The following TRAF3IP1 variants were observed in gnomAD, a reference collection of about 807,000 sequenced individuals.
TRAF3IP1 encodes TRAF3-interacting protein 1.
Under a neutral mutation model 89.9 loss-of-function variants are expected in TRAF3IP1, and 53 were observed. The observed-to-expected ratio is 0.59, with a 90% confidence interval of 0.47 to 0.74. The LOEUF is 0.74. Ranked by LOEUF, TRAF3IP1 falls within the 30% of genes least tolerant of loss-of-function variation. The pLI, the probability that TRAF3IP1 is intolerant of heterozygous loss-of-function variation, is 0.00. For synonymous variants in TRAF3IP1, 311 were observed against 322.1 expected (o/e 0.97, Z 0.37); for missense variants, 806 against 866.1 (o/e 0.93, Z 0.87).
intron 8 of TRAF3IP1, among the ~76,000 whole-genome samples, chr2:238,341,475 C>G (rs1379372479): frequency 1.3e-5 from 2 of 151,764 alleles, no homozygotes; most frequent in Admixed American, 1.3e-4. Flanking sequence ...TTATTGCTTC[C>G]TGATAGCATC....
intron 15 of TRAF3IP1, among the ~76,000 whole-genome samples, chr2:238,361,399 T>G (rs1234492009): frequency 3.9e-5 from 6 of 152,282 alleles, no homozygotes; most frequent in African/African-American, 1.4e-4. Context: ...TTTCTTTTTG[T>G]TATGGCCAAG....
intron 8 of TRAF3IP1, among the ~76,000 whole-genome samples, chr2:238,340,422 C>T (rs1020561603): frequency 1.3e-5 from 2 of 152,174 alleles, no homozygotes; most frequent in Non-Finnish European, 2.9e-5. Context: ...CTCGTGAGCC[C>T]TGTGCCCATA....
At chr2:238,358,667 A>G (rs1371802016) in intron 15 of TRAF3IP1, among the ~76,000 whole-genome samples, 1 of 152,164 alleles carries the variant, frequency 6.6e-6, no homozygotes, top group African/African-American at 2.4e-5. Flanking sequence ...TTGAGTTTCT[A>G]ATGTCACCCT....
chr2:238,377,825 C>T (rs989149337), intron 15 of TRAF3IP1, among the ~76,000 whole-genome samples: 2 of 152,064 alleles, frequency 1.3e-5, no homozygotes, highest in Admixed American at 1.3e-4. Context: ...CTTGGTGTTT[C>T]TTTGTGGGAA....
At chr2:238,340,812 C>CATGT (rs145202993) in intron 8 of TRAF3IP1, among the ~76,000 whole-genome samples, 12 of 149,412 alleles carry the variant, frequency 8.0e-5, no homozygotes, top group African/African-American at 2.5e-4. Flanking sequence ...TACAGTTATG[C>CATGT]GTGTGTGTGT....
In TRAF3IP1 at chr2:238,353,199, G is replaced by A; in HGVS notation, c.1602G>A (p.Glu534=). 3 of 1,614,194 alleles carry A rather than the reference G, an allele frequency of 1.9e-6. No homozygotes were observed. Among genetic ancestry groups the A allele is most frequent in the Non-Finnish European group, 2.5e-6 (3 of 1,180,032 alleles). Residue 534 remains glutamate, a synonymous_variant, in exon 14 of 17, where the codon GAG becomes GAA. Coordinates refer to ENST00000373327, the MANE Select transcript of TRAF3IP1 (RefSeq NM_015650.4). ...EMVTAVELEE[E]EKHGGLVKKI... is the part of the protein sequence containing the mutation. ...TAACAGCAGTGGAACTAGAAGAAGA[G>A]GAGAAGCATGGTGAGTCCTGGGCAC...
Position 238,332,975 on chromosome 2 carries a change from C to T in TRAF3IP1, c.987+80C>T, listed in dbSNP as rs1698203892. ...AGTGAATGCTGTGCGCTCCCCGGGTCCACTGAGGCATGGAAGGAGCACATG... is the reference window on the plus strand; with the variant it reads ...AGTGAATGCTGTGCGCTCCCCGGGTTCACTGAGGCATGGAAGGAGCACATG... On this transcript the variant is annotated intron_variant, in intron 6 of 16. Transcript: ENST00000373327. 6 of 1,034,364 alleles carry T rather than the reference C, an allele frequency of 5.8e-6. No homozygotes were observed. In the South Asian group the frequency reaches 6.7e-5, roughly 12 times the overall value. 64.1% of individuals were successfully genotyped at this position (1,034,364 alleles called of 1,614,324 possible).
chr2:238,364,406 G>GT (rs11384305), intron 15 of TRAF3IP1, among the ~76,000 whole-genome samples: 136,836 of 150,116 alleles, frequency 0.91, 62,490 homozygotes, highest in East Asian at 1. Flanking sequence ...TCCTGCCAGC[G>GT]TTTTTTTTTC....
rs1005873296 is a variant in TRAF3IP1, at chr2:238,333,977, A to C, written c.1005A>C (p.Arg335Ser). Residue 335 changes from arginine to serine, a missense_variant, in exon 7 of 17, where the codon AGA (arginine) becomes AGC (serine). By Grantham distance (110) the Arg-to-Ser change is moderately radical. Transcript: ENST00000373327. ...KAETETEIST[R>S]ASKSLTTKTS... The stretch of plus-strand genomic sequence containing the variant: ...TCTTTAAGACTGAGATTTCCACTAG[A>C]GCTTCCAAGTCATTGACAACAAAAA... 6.2e-7 allele frequency: 1 copy of C among 1,609,552 alleles called. No homozygotes were observed. The highest frequency in any genetic ancestry group is 1.3e-5 in the African/African-American group (1 of 74,854).
intron 8 of TRAF3IP1, among the ~76,000 whole-genome samples, chr2:238,343,617 G>T (rs747434371): frequency 6.7e-6 from 1 of 148,494 alleles, no homozygotes; most frequent in Non-Finnish European, 1.5e-5. Context: ...AAAGTGTTGA[G>T]ACTTCAGGCA....
rs942644515 is a variant in TRAF3IP1 at position 238,351,970 on chromosome 2, G to T, written c.1452-857G>T. 6.6e-6 allele frequency among the ~76,000 whole-genome samples: 1 copy of T among 152,062 alleles called. No individual in the cohort carries two copies. The highest frequency in any genetic ancestry group is 2.4e-5 in the African/African-American group (1 of 41,404). ...GCAGCACTGCGATAACGGGGCAGGG[G>T]GAGTTAGGTGATTGCTTAAAGCACA... On this transcript the variant is annotated intron_variant, in intron 12 of 16. Transcript: ENST00000373327. This position sits in a 1 kb window ranked among gnomAD's most constrained non-coding sequence, Gnocchi z 5.2.
chr2:238,378,803 C>T (rs182322280), intron 15 of TRAF3IP1, among the ~76,000 whole-genome samples: 37 of 152,310 alleles, frequency 2.4e-4, no homozygotes, highest in African/African-American at 8.4e-4. Context: ...GGACCCCCCC[C>T]CAGGCCCCAG....
chr2:238,328,854 G>A, intron 4 of TRAF3IP1, 25 bp downstream of exon 4: 3 of 1,601,332 alleles, frequency 1.9e-6, no homozygotes, highest in Non-Finnish European at 2.6e-6. Flanking sequence ...GCACATCTTT[G>A]AAAATGAAAT....
chr2:238,365,640 A>G (rs1699843463), intron 15 of TRAF3IP1, among the ~76,000 whole-genome samples: 1 of 152,146 alleles, frequency 6.6e-6, no homozygotes, highest in Non-Finnish European at 1.5e-5. Context: ...ACTGGGTGAT[A>G]GTGTGAGACC....
intron 1 of TRAF3IP1, among the ~76,000 whole-genome samples, chr2:238,324,240 G>A (rs1697700090): frequency 6.6e-6 from 1 of 152,084 alleles, no homozygotes; most frequent in Non-Finnish European, 1.5e-5. Flanking sequence ...GCTAATTTTT[G>A]TATTTTTAGT....
At position 238,397,579 on chromosome 2, in the gene TRAF3IP1, A is replaced by C. The variant is rs758802016; in HGVS notation, c.1810A>C (p.Met604Leu). The C allele has an allele frequency of 7.4e-6, 12 of 1,612,896 alleles. No homozygotes were observed. Among genetic ancestry groups the C allele is most frequent in the Non-Finnish European group, 1.0e-5 (12 of 1,179,954 alleles). ...CKSALPLGKI[M>L]DYIQEDVDAM... is the part of the protein sequence containing the mutation. ...GAGCGCACTTCCCCTGGGGAAGATC[A>C]TGGACTACATCCAGGAAGACGTGGA... Residue 604 changes from methionine (M) to leucine (L), a missense_variant, in exon 16 of 17, where the codon ATG (methionine) becomes CTG (leucine). Physicochemically the swap from Met to Leu is conservative, Grantham distance 15. Coordinates refer to ENST00000373327, the MANE Select transcript of TRAF3IP1 (RefSeq NM_015650.4).
intron 15 of TRAF3IP1, among the ~76,000 whole-genome samples, chr2:238,383,173 T>C (rs1176288307): frequency 1.3e-5 from 2 of 152,128 alleles, no homozygotes; most frequent in Admixed American, 6.5e-5. Context: ...CCACCTGCTG[T>C]AGGCTGCCCT....
intron 15 of TRAF3IP1, among the ~76,000 whole-genome samples, chr2:238,375,384 T>G (rs538303614): frequency 1.3e-5 from 2 of 152,370 alleles, no homozygotes; most frequent in East Asian, 1.9e-4. Flanking sequence ...CATTTTGTTA[T>G]GTACCCAGTA....
chr2:238,386,599 C>T (rs545502929), intron 15 of TRAF3IP1, among the ~76,000 whole-genome samples: 2 of 152,304 alleles, frequency 1.3e-5, no homozygotes, highest in Admixed American at 1.3e-4. Context: ...AAGCGTGAGC[C>T]ACTGAGCCCG....
Sources: allele counts gnomAD v4.1 joint callset (sites outside exome capture counted in the v4.1 genomes callset), GRCh38; gene constraint gnomAD v4.1.1; non-coding constraint Gnocchi (gnomAD v3.1); transcripts MANE v1.5; gene names NCBI Gene and HGNC (gene_info 2026-07-23, HGNC 2026-07-21).